Variants in TTN observed in about 807,000 individuals in gnomAD.
The protein encoded by TTN is titin.
A neutral mutation model predicts 3,223.0 loss-of-function variants in TTN; 1,525 were observed. The ratio of observed to expected loss-of-function variants is 0.47; its 90% CI spans 0.45 to 0.49. The LOEUF (loss-of-function observed/expected upper bound fraction) is 0.49, where lower values mean the gene tolerates loss of function less well. TTN is among the 20% of genes least tolerant of loss of function. The pLI, the probability that TTN is intolerant of heterozygous loss-of-function variation, is 0.00. For missense variants in TTN, 40,786 were observed against 43,424.0 expected (o/e 0.94, Z 5.40); for synonymous variants, 14,094 against 15,161.0 (o/e 0.93, Z 5.17).
In TTN at chr2:178,621,240, C is replaced by T. The variant is rs777294719; in HGVS notation, c.45478G>A (p.Glu15160Lys). Residue 15160 changes from glutamate (E) to lysine (K), a missense_variant, in exon 246 of 363, where the codon GAA becomes AAA. Glu to Lys is a moderately conservative substitution (Grantham distance 56, BLOSUM62 1). Coordinates refer to ENST00000589042, the MANE Select transcript of TTN (RefSeq NM_001267550.2). ...VQWKRDDKTL[E>K]SGDKYDVIAD... ...ATAACGTCATATTTATCTCCAGATTCAAGTGTCTTATCATCCCTCTTCCAC... is the reference window on the plus strand; with the variant it reads ...ATAACGTCATATTTATCTCCAGATTTAAGTGTCTTATCATCCCTCTTCCAC... 1 of 1,612,352 alleles carries T rather than the reference C, an allele frequency of 6.2e-7. No homozygotes were observed.
chr2:178,604,328 T>C (rs1236708101), intron 281 of TTN, 23 bp from the exon 282 acceptor site: 1 of 1,428,394 alleles, frequency 7.0e-7, no homozygotes, highest in African/African-American at 1.4e-5. Flanking sequence ...AAAACAGAAA[T>C]TTATTGAAGA....
rs767746087 is a variant in TTN, at chr2:178,529,072, T to A, written c.106679A>T (p.Lys35560Met). 1.2e-6 allele frequency: 2 copies of A among 1,613,510 alleles called. No individual in the cohort carries two copies. The highest frequency in any genetic ancestry group is 1.7e-6 in the Non-Finnish European group (2 of 1,179,692). ...TGAAGCTTCCTCTTTGAGGGCTAAC[T>A]TTTCTTGAGATTTTGCCTCTGACAT... ...IKMSEAKSQE[K>M]LALKEEASKV... Residue 35560 changes from lysine to methionine, a missense_variant, in exon 360 of 363, where the codon AAG becomes ATG. Transcript: ENST00000589042.
chr2:178,584,982 G>A lies in TTN; in HGVS notation c.64673-14C>T. On this transcript the variant is annotated splice_polypyrimidine_tract_variant and intron_variant, in intron 309 of 362. Transcript: ENST00000589042. ...GGCCGGGGGCATCTACATGAACCAA[G>A]AGGAAAGAAATGTAAGAACAAGGAT... 1 of 1,610,150 alleles carries A rather than the reference G, an allele frequency of 6.2e-7. No individual in the cohort carries two copies. The highest frequency in any genetic ancestry group is 8.5e-7 in the Non-Finnish European group (1 of 1,178,804).
chr2:178,784,379 A>G, intron 15 of TTN, 28 bp from the exon 16 acceptor site: 3 of 1,612,934 alleles, frequency 1.9e-6, no homozygotes, highest in Non-Finnish European at 2.5e-6. Flanking sequence ...CAGAAAATAA[A>G]GTCATTTAAC....
At position 178,733,878 on chromosome 2, in the gene TTN, C is replaced by G. The variant is rs776104290; in HGVS notation, c.15511G>C (p.Val5171Leu). ...GCAATCAAATCATCTACTTTCTTTA[C>G]AAAGGTTGGAGGTTCTAGTTAAGGA... ...THLLKEPPTF[V>L]KKVDDLIALG... The change falls in exon 53 of 363, where the codon GTA becomes CTA. Residue 5171 changes from valine (V) to leucine (L), a missense_variant. By Grantham distance (32) the Val-to-Leu change is conservative. Transcript: ENST00000589042. 6.3e-7 allele frequency: 1 copy of G among 1,598,330 alleles called. No homozygotes were observed. Among genetic ancestry groups the G allele is most frequent in the Admixed American group, 1.7e-5 (1 of 58,920 alleles).
intron 69 of TTN, 109 bp downstream of exon 69, chr2:178,726,981 C>A: frequency 8.6e-7 from 1 of 1,160,752 alleles, no homozygotes; most frequent in Non-Finnish European, 1.1e-6. Context: ...GAAAAATATT[C>A]TATGATCTCA....
chr2:178,694,991 T>G, intron 115 of TTN, 85 bp from the exon 116 acceptor site: 2 of 961,894 alleles, frequency 2.1e-6, no homozygotes, highest in Non-Finnish European at 3.1e-6. Context: ...TCTGTGTATA[T>G]GTGTTTATAC....
chr2:178,564,675 C>T lies in TTN; in HGVS notation c.81457G>A (p.Val27153Ile), dbSNP rs908346441. ...ACTTTGCTAGGCTTGCCAATGCCAA[C>T]AATATTTTCAGCAGAAACTTTGAAC... ...YEFKVSAENI[V>I]GIGKPSKVSE... is the part of the protein sequence containing the mutation. The change falls in exon 326 of 363, where the codon GTT becomes ATT. Residue 27153 changes from valine to isoleucine, a missense_variant. Val to Ile is a conservative substitution (Grantham distance 29). Transcript: ENST00000589042. The T allele has an allele frequency of 1.9e-6, 3 of 1,613,468 alleles. No homozygotes were observed. Among genetic ancestry groups the T allele is most frequent in the Non-Finnish European group, 1.7e-6 (2 of 1,179,684 alleles).
rs773568399 is a variant in TTN at position 178,574,398 on chromosome 2, G to T, written c.71734C>A (p.Pro23912Thr). 17 of 1,613,370 alleles carry T rather than the reference G, an allele frequency of 1.1e-5. No individual in the cohort carries two copies. Among genetic ancestry groups the T allele is most frequent in the Non-Finnish European group, 1.3e-5 (15 of 1,179,618 alleles). ...IAENMAGKSK[P>T]SKPSEPMLAL... ...AACATAGGTTCTGATGGCTTGCTTG[G>T]CTTACTTTTGCCTGCCATGTTTTCT... is the stretch of plus-strand genomic sequence containing the variant. Residue 23912 changes from proline to threonine, a missense_variant, in exon 326 of 363, where the codon CCA becomes ACA. By Grantham distance (38) the Pro-to-Thr change is conservative. Coordinates refer to ENST00000589042, the MANE Select transcript of TTN (RefSeq NM_001267550.2).
chr2:178,710,534 A>C lies in TTN; in HGVS notation c.28462+101T>G, dbSNP rs2154294929. 6 of 1,370,234 alleles carry C rather than the reference A, an allele frequency of 4.4e-6. No homozygotes were observed. The Middle Eastern group carries it at 8.1e-4, about 185-fold the overall frequency. 84.9% of individuals were successfully genotyped at this position (1,370,234 alleles called of 1,614,324 possible). On this transcript the variant is annotated intron_variant, in intron 98 of 362. Transcript: ENST00000589042. ...TAAACATTTTCTTTTCATTTGTTTA[A>C]AAATGTCCTAAATTGCATTCATCAT...
rs900253685 is a variant in TTN, at chr2:178,588,557, C to T, written c.63168G>A (p.Val21056=). The change falls in exon 304 of 363, where the codon GTG becomes GTA. Residue 21056 remains valine, a synonymous_variant. Coordinates refer to ENST00000589042, the MANE Select transcript of TTN (RefSeq NM_001267550.2). ...TCCTACCTATGGGGTCTTTTGCCAC[C>T]ACCGGTCTTGAAGGCAAGCTTGGTT... The part of the protein sequence containing the change: ...IGEPSLPSRP[V]VAKDPIEPPG... 16 of 1,530,034 alleles carry T rather than the reference C, an allele frequency of 1.0e-5. No homozygotes were observed. Among genetic ancestry groups the T allele is most frequent in the South Asian group, 1.3e-5 (1 of 74,242 alleles). 94.8% of individuals were successfully genotyped at this position (1,530,034 alleles called of 1,614,324 possible).
In TTN at chr2:178,534,345, G is replaced by C; in HGVS notation, c.102270C>G (p.His34090Gln). 1 of 1,612,286 alleles carries C rather than the reference G, an allele frequency of 6.2e-7. No individual in the cohort carries two copies. The highest frequency in any genetic ancestry group is 8.5e-7 in the Non-Finnish European group (1 of 1,179,820). ...VSTKVIRTLK[H>Q]RRYYHTLIKK... ...TGATCAGGGTGTGGTAATAACGCCG[G>C]TGTTTTAATGTTCTGATAACTTTAG... The change falls in exon 358 of 363, where the codon CAC becomes CAG. Residue 34090 changes from histidine to glutamine, a missense_variant. By Grantham distance (24) the His-to-Gln change is conservative. Transcript: ENST00000589042.
At position 178,587,658 on chromosome 2, in the gene TTN, GACC is replaced by G; in HGVS notation, c.63648_63650del (p.Val21217del). 6.2e-7 allele frequency: 1 copy of G among 1,612,804 alleles called. No individual in the cohort carries two copies. The highest frequency in any genetic ancestry group is 8.5e-7 in the Non-Finnish European group (1 of 1,179,406). On this transcript the variant is annotated inframe_deletion, in exon 306 of 363. Coordinates refer to ENST00000589042, the MANE Select transcript of TTN (RefSeq NM_001267550.2). Reference sequence around the variant, plus strand: ...CAACCAGATCAACTTGTCCTTTTCTGACCACATTATCAATGCCAACTTTTCGCC... The same window carrying G: ...CAACCAGATCAACTTGTCCTTTTCTGACATTATCAATGCCAACTTTTCGCC...
At chr2:178,543,700 C>T in intron 346 of TTN, 38 bp from the exon 347 acceptor site, 1 of 1,531,280 alleles carries the variant, frequency 6.5e-7, no homozygotes, top group Non-Finnish European at 8.7e-7. Context: ...TTCCTATTTG[C>T]CTGATAGCTT....
intron 243 of TTN, 36 bp from the exon 244 acceptor site, chr2:178,622,044 T>C: frequency 1.3e-6 from 2 of 1,556,310 alleles, no homozygotes; most frequent in Non-Finnish European, 1.7e-6. Flanking sequence ...AGTTTTCTTG[T>C]TGTTCCTTCA....
rs778591122 is a variant in TTN at position 178,567,509 on chromosome 2, C to T, written c.78623G>A (p.Gly26208Glu). ...ATCAGCCTCAAGTCTGAATGTTTCT[C>T]CAGCATTTACCACAATTGTGTCTCT... ...KFRDTIVVNA[G>E]ETFRLEADVH... Residue 26208 changes from glycine (G) to glutamate (E), a missense_variant, in exon 326 of 363, where the codon GGA becomes GAA. Coordinates refer to ENST00000589042, the MANE Select transcript of TTN (RefSeq NM_001267550.2). 6.2e-7 allele frequency: 1 copy of T among 1,612,616 alleles called. No individual in the cohort carries two copies. The highest frequency in any genetic ancestry group is 2.2e-5 in the East Asian group (1 of 44,746).
intron 362 of TTN, 44 bp downstream of exon 362, chr2:178,527,402 T>C (rs1277400094): frequency 6.9e-6 from 11 of 1,594,888 alleles, no homozygotes; most frequent in Non-Finnish European, 8.6e-6. Context: ...GACTACACCA[T>C]GTTACTTGGC....
intron 1 of TTN, 76 bp from the exon 2 acceptor site, chr2:178,804,731 C>T: frequency 7.5e-7 from 1 of 1,334,820 alleles, no homozygotes; most frequent in Non-Finnish European, 1.1e-6. Context: ...ATAGCAGAGA[C>T]ACACGTTTCT....
intron 106 of TTN, among the ~76,000 whole-genome samples, chr2:178,702,917 T>G (rs1033165079): frequency 4.6e-5 from 7 of 152,206 alleles, no homozygotes; most frequent in Non-Finnish European, 1.0e-4. Context: ...TCTTAAAATA[T>G]TTATATAAAG....
Sources: gnomAD v4.1 joint callset for allele counts (sites outside exome capture counted in the v4.1 genomes callset) on GRCh38, gnomAD v4.1.1 for gene constraint, MANE v1.5 for transcripts, NCBI Gene and HGNC (gene_info 2026-07-23, HGNC 2026-07-21) for gene names.